COL4A2: variants seen among roughly 807,000 people sequenced by gnomAD.
COL4A2 encodes the protein collagen alpha-2(IV) chain.
COL4A2 carries 99 observed loss-of-function variants against 200.2 expected under a neutral mutation model. The ratio of observed to expected loss-of-function variants is 0.49; its 90% CI spans 0.42 to 0.58. The LOEUF (loss-of-function observed/expected upper bound fraction) is 0.58. Ranked by LOEUF, COL4A2 falls within the 20% of genes least tolerant of loss-of-function variation. The pLI, the probability that COL4A2 is intolerant of heterozygous loss-of-function variation, is 0.00. For synonymous variants in COL4A2, 897 were observed against 900.6 expected, an observed-to-expected ratio of 1.00 and a Z score of 0.07; for missense variants, 1,950 against 2,314.1, an observed-to-expected ratio of 0.84 and a Z score of 3.23.
chr13:110,473,522 T>A, intron 29 of COL4A2: 2 of 218,862 alleles, frequency 9.1e-6, no homozygotes, highest in Non-Finnish European at 1.8e-5. Flanking sequence ...TAGTCAGAGG[T>A]GAAGAAGGAA....
chr13:110,347,086 G>C (rs1437223080), intron 3 of COL4A2, among the ~76,000 whole-genome samples: 1 of 152,210 alleles, frequency 6.6e-6, no homozygotes, highest in African/African-American at 2.4e-5. Context: ...AGTGTGAACT[G>C]TGAAGAAGTG....
chr13:110,396,098 T>C (rs1342803507), intron 4 of COL4A2, among the ~76,000 whole-genome samples: 1 of 152,256 alleles, frequency 6.6e-6, no homozygotes, highest in Non-Finnish European at 1.5e-5. Context: ...AAAGCAGTTC[T>C]GGATTTACAA....
At chr13:110,357,050 G>A (rs887408008) in intron 3 of COL4A2, among the ~76,000 whole-genome samples, 2 of 152,114 alleles carry the variant, frequency 1.3e-5, no homozygotes, top group South Asian at 2.1e-4. Context: ...AGGCGTGAGC[G>A]ACCGCGCCCA....
chr13:110,372,963 G>A (rs1464549568), intron 4 of COL4A2, among the ~76,000 whole-genome samples: 2 of 152,176 alleles, frequency 1.3e-5, no homozygotes, highest in African/African-American at 4.8e-5. Flanking sequence ...ATGTATGTTG[G>A]CTGCTGTGTA....
intron 3 of COL4A2, among the ~76,000 whole-genome samples, chr13:110,317,577 G>A (rs7335117): frequency 0.098 from 14,871 of 152,178 alleles, 868 homozygotes; most frequent in Middle Eastern, 0.23. Flanking sequence ...ACTCTGAAAA[G>A]TAAAGGCTAA....
At chr13:110,451,934 G>A (rs1297969346) in intron 20 of COL4A2, among the ~76,000 whole-genome samples, 1 of 152,220 alleles carries the variant, frequency 6.6e-6, no homozygotes, top group Non-Finnish European at 1.5e-5. Flanking sequence ...GAGAAAATAA[G>A]AGGTCATAGT....
At chr13:110,428,647 T>C in intron 7 of COL4A2, 64 bp downstream of exon 7, 1 of 953,326 alleles carries the variant, frequency 1.0e-6, no homozygotes, top group Non-Finnish European at 1.5e-6. Flanking sequence ...CCTGCCTTTA[T>C]AACCTGGGGG....
chr13:110,454,105 CT>C (rs1295348089), intron 20 of COL4A2, among the ~76,000 whole-genome samples: 1 of 152,200 alleles, frequency 6.6e-6, no homozygotes, highest in African/African-American at 2.4e-5. Context: ...TTGCTTCCCC[CT>C]GTTCTAGTTC....
At chr13:110,388,008 C>T (rs1238502332) in intron 4 of COL4A2, among the ~76,000 whole-genome samples, 2 of 152,166 alleles carry the variant, frequency 1.3e-5, no homozygotes, top group East Asian at 3.8e-4. Context: ...CTAAAGCTTC[C>T]CCGTGGACTG....
At chr13:110,395,969 C>T (rs2139426476) in intron 4 of COL4A2, among the ~76,000 whole-genome samples, 1 of 152,218 alleles carries the variant, frequency 6.6e-6, no homozygotes, top group Middle Eastern at 3.4e-3. Flanking sequence ...TTTCTAATTC[C>T]ATTTGAGGGA....
At chr13:110,349,346 A>G (rs1166173506) in intron 3 of COL4A2, among the ~76,000 whole-genome samples, 1 of 152,166 alleles carries the variant, frequency 6.6e-6, no homozygotes, top group African/African-American at 2.4e-5. Context: ...CCCGGTGGCA[A>G]AGGAGGGACT....
intron 4 of COL4A2, among the ~76,000 whole-genome samples, chr13:110,398,375 T>C (rs912343802): frequency 6.6e-6 from 1 of 152,166 alleles, no homozygotes; most frequent in Non-Finnish European, 1.5e-5. Context: ...AATCAAATAA[T>C]GAGCTGGGCG....
rs891879046 is a variant in COL4A2 at position 110,307,672 on chromosome 13, A to G, written c.-45+144A>G. ...GAGCGAAGACCGAGCTCCTCGGCCA[A>G]GGAGCACCCACAGGGGCCTAACGGG... On this transcript the variant is annotated intron_variant, in intron 1 of 47. Coordinates refer to ENST00000360467, the MANE Select transcript of COL4A2 (RefSeq NM_001846.4). This position sits in a 1 kb window ranked among gnomAD's most constrained non-coding sequence, Gnocchi z 5.0. 1.0e-5 allele frequency: 6 copies of G among 589,692 alleles called. No homozygotes were observed. The highest frequency in any genetic ancestry group is 1.8e-5 in the Non-Finnish European group (6 of 338,010). The allele number at this position is 589,692 out of a possible 1,614,324, so 36.5% of individuals were successfully genotyped here. A position where few individuals can be genotyped will look rare whatever the true frequency, so the allele number is the denominator to read the frequency against.
At chr13:110,449,887 C>A (rs993887824) in intron 19 of COL4A2, 98 bp downstream of exon 19, 2 of 1,338,474 alleles carry the variant, frequency 1.5e-6, no homozygotes, top group East Asian at 2.5e-5. Flanking sequence ...GTAGCTATGT[C>A]GTTGTTACTT....
intron 6 of COL4A2, among the ~76,000 whole-genome samples, chr13:110,426,738 T>C (rs1396824781): frequency 1.3e-5 from 2 of 152,192 alleles, no homozygotes; most frequent in African/African-American, 4.8e-5. Context: ...TCTAAGCAAG[T>C]AAGAAAGACC....
chr13:110,481,890 C>T (rs1343502453), intron 31 of COL4A2, among the ~76,000 whole-genome samples: 1 of 80,832 alleles, frequency 1.2e-5, no homozygotes, highest in East Asian at 3.3e-4. Context: ...TCTGTCCCTC[C>T]GTGCTGGAGA....
At chr13:110,378,134 A>T (rs1434395543) in intron 4 of COL4A2, among the ~76,000 whole-genome samples, 1 of 152,260 alleles carries the variant, frequency 6.6e-6, no homozygotes, top group South Asian at 2.1e-4. Context: ...AACAGGGCTC[A>T]TTAGGCTTTT....
In COL4A2 at chr13:110,480,228, G is replaced by A; in HGVS notation, c.2596G>A (p.Gly866Ser). The change falls in exon 31 of 48, where the codon GGT becomes AGT. Residue 866 changes from glycine (G) to serine (S), a missense_variant. By Grantham distance (56) the Gly-to-Ser change is moderately conservative. This residue lies in a region of COL4A2 where 1,385 missense variants were observed against 1,720.5 expected (regional missense o/e 0.80). Coordinates refer to ENST00000360467, the MANE Select transcript of COL4A2 (RefSeq NM_001846.4). ...GCTCCTCTTCCTGACAGGTCTGCCT[G>A]GTGATAGAGGGGACCCTGGGGACAC... ...PGIPGREGLP[G>S]DRGDPGDTGA... 2 of 1,601,474 alleles carry A rather than the reference G, an allele frequency of 1.2e-6. No individual in the cohort carries two copies. Among genetic ancestry groups the A allele is most frequent in the Non-Finnish European group, 1.7e-6 (2 of 1,175,326 alleles).
intron 3 of COL4A2, among the ~76,000 whole-genome samples, chr13:110,356,250 G>A (rs532268511): frequency 2.3e-3 from 354 of 152,272 alleles, no homozygotes; most frequent in Non-Finnish European, 3.6e-3. Flanking sequence ...ACTCAATGGG[G>A]TCACCCACTT....
Sources: gnomAD v4.1 joint callset for allele counts (sites outside exome capture counted in the v4.1 genomes callset) on GRCh38, gnomAD v4.1.1 for gene constraint, gnomAD v4.1.1 regional missense constraint, Gnocchi (gnomAD v3.1) non-coding constraint, MANE v1.5 for transcripts, NCBI Gene and HGNC (gene_info 2026-07-23, HGNC 2026-07-21) for gene names.